The following TTN variants were observed in gnomAD, a reference collection of about 807,000 sequenced individuals.
TTN encodes connectin.
A neutral mutation model predicts 3,223.0 loss-of-function variants in TTN; 1,525 were observed. The ratio of observed to expected loss-of-function variants is 0.47; its 90% CI spans 0.45 to 0.49. The LOEUF (loss-of-function observed/expected upper bound fraction) is 0.49. TTN is among the 20% of genes least tolerant of loss of function. The pLI, the probability that TTN is intolerant of heterozygous loss-of-function variation, is 0.00. For synonymous variants in TTN, 14,094 were observed against 15,161.0 expected (o/e 0.93, Z 5.17); for missense variants, 40,786 against 43,424.0 (o/e 0.94, Z 5.40).
chr2:178,588,314 T>C, intron 304 of TTN, 95 bp from the exon 305 acceptor site: 5 of 1,248,526 alleles, frequency 4.0e-6, no homozygotes, highest in Non-Finnish European at 5.4e-6. Context: ...ATATAGGTCA[T>C]CCAATTTTTC....
In TTN at chr2:178,647,075, G is replaced by T; in HGVS notation, c.40211C>A (p.Pro13404His). 1 of 1,306,182 alleles carries T rather than the reference G, an allele frequency of 7.7e-7. No homozygotes were observed. Among genetic ancestry groups the T allele is most frequent in the Non-Finnish European group, 1.0e-6 (1 of 996,674 alleles). 80.9% of individuals were successfully genotyped at this position (1,306,182 alleles called of 1,614,324 possible). A position where few individuals can be genotyped will look rare whatever the true frequency, so the allele number is the denominator to read the frequency against. ...ASITIGRKET[P>H]PVEEREIEKY... ...ATATATATATATACCTTCAACAGGG[G>T]GAGTCTCTTTTCTACCAATGGTTAT... is the stretch of plus-strand genomic sequence containing the variant. The change falls in exon 215 of 363, where the codon CCC becomes CAC. Residue 13404 changes from proline (P) to histidine (H), a missense_variant. By Grantham distance (77) the Pro-to-His change is moderately conservative. Transcript: ENST00000589042.
chr2:178,732,195 T>C lies in TTN; in HGVS notation c.16774A>G (p.Met5592Val). 1 of 1,613,842 alleles carries C rather than the reference T, an allele frequency of 6.2e-7. No individual in the cohort carries two copies. Among genetic ancestry groups the C allele is most frequent in the Non-Finnish European group, 8.5e-7 (1 of 1,179,798 alleles). The change falls in exon 57 of 363, where the codon ATG (methionine) becomes GTG (valine). Residue 5592 changes from methionine (M) to valine (V), a missense_variant. Transcript: ENST00000589042. Reference sequence around the variant, plus strand: ...ACTGCAGTAGACTCCACAAAAGACATTCTGTGTTTGCTGCTCTCCTTAATT... The same window carrying C: ...ACTGCAGTAGACTCCACAAAAGACACTCTGTGTTTGCTGCTCTCCTTAATT... Reference protein sequence around the residue: ...REIKESSKHRMSFVESTAVLR... With the variant: ...REIKESSKHRVSFVESTAVLR...
intron 3 of TTN, among the ~76,000 whole-genome samples, chr2:178,801,497 G>A (rs1172388326): frequency 6.6e-6 from 1 of 152,130 alleles, no homozygotes; most frequent in Non-Finnish European, 1.5e-5. Flanking sequence ...AAGTTTATTG[G>A]ATAAGCATAT....
rs372799151 is a variant in TTN at position 178,576,229 on chromosome 2, G to A, written c.69903C>T (p.Phe23301=). ...CTTTAGTCTGAAGATCAGGAACAAC[G>A]AACTGAGTGATTCTGAGGGCGGTTC... ...TTGTALRITQ[F]VVPDLQTKEK... The change falls in exon 326 of 363, where the codon TTC becomes TTT. Residue 23301 remains phenylalanine, a synonymous_variant. Coordinates refer to ENST00000589042, the MANE Select transcript of TTN (RefSeq NM_001267550.2). The surrounding 1 kb of genome is among the most constrained non-coding windows in gnomAD (Gnocchi z 4.3). 25 of 1,612,736 alleles carry A rather than the reference G, an allele frequency of 1.6e-5. No homozygotes were observed. In the Admixed American group the frequency reaches 1.7e-4, roughly 11 times the overall value.
At position 178,729,010 on chromosome 2, in the gene TTN, A is replaced by G; in HGVS notation, c.19028T>C (p.Val6343Ala). The change falls in exon 65 of 363, where the codon GTG (valine) becomes GCG (alanine). Residue 6343 changes from valine (V) to alanine (A), a missense_variant. Val to Ala is a moderately conservative substitution (Grantham distance 64). Coordinates refer to ENST00000589042, the MANE Select transcript of TTN (RefSeq NM_001267550.2). ...GATTTGAAGTGTGGCCACACTGTCC[A>G]CAAATGAAATATAGACATTATCATC... ...DEDDNVYISF[V>A]DSVATLQIRS... 6.2e-7 allele frequency: 1 copy of G among 1,613,058 alleles called. No individual in the cohort carries two copies. Among genetic ancestry groups the G allele is most frequent in the Non-Finnish European group, 8.5e-7 (1 of 1,179,498 alleles).
At chr2:178,553,456 G>A in intron 334 of TTN, 46 bp downstream of exon 334, 1 of 1,573,992 alleles carries the variant, frequency 6.4e-7, no homozygotes. Context: ...GTGATTTCCT[G>A]GAAGTATGCT....
chr2:178,566,501 C>T lies in TTN; in HGVS notation c.79631G>A (p.Arg26544Lys), dbSNP rs1008452641. 5 of 1,613,326 alleles carry T rather than the reference C, an allele frequency of 3.1e-6. No individual in the cohort carries two copies. The highest frequency in any genetic ancestry group is 2.2e-5 in the South Asian group (2 of 91,090). The change falls in exon 326 of 363, where the codon AGA becomes AAA. Residue 26544 changes from arginine (R) to lysine (K), a missense_variant. By Grantham distance (26) the Arg-to-Lys change is conservative (BLOSUM62 2). Coordinates refer to ENST00000589042, the MANE Select transcript of TTN (RefSeq NM_001267550.2). ...WQIVTPQTGL[R>K]VTRFEISKLT... ...TTTTGAAATTTCAAATCGAGTGACT[C>T]TCAGGCCAGTCTGTGGAGTAACTAT...
chr2:178,658,106 G>T lies in TTN; in HGVS notation c.37763C>A (p.Pro12588His). 1 of 1,574,714 alleles carries T rather than the reference G, an allele frequency of 6.4e-7. No homozygotes were observed. Among genetic ancestry groups the T allele is most frequent in the Non-Finnish European group, 8.5e-7 (1 of 1,172,792 alleles). ...GACAATCGGAGCTTCTGGTTTTTTG[G>T]GTGGAGCCACGGGAATTTCTTTTTC... ...AAEKEIPVAP[P>H]KKPEAPIVPV... Residue 12588 changes from proline (P) to histidine (H), a missense_variant, in exon 186 of 363, where the codon CCC (proline) becomes CAC (histidine). Transcript: ENST00000589042.
At chr2:178,639,983 A>G in intron 222 of TTN, 65 bp downstream of exon 222, 1 of 1,565,272 alleles carries the variant, frequency 6.4e-7, no homozygotes, top group South Asian at 1.2e-5. Context: ...TCTTTTATTA[A>G]GTACATGTTA....
chr2:178,773,047 A>C, intron 33 of TTN, 62 bp downstream of exon 33: 1 of 1,606,490 alleles, frequency 6.2e-7, no homozygotes, highest in Middle Eastern at 1.7e-4. Flanking sequence ...GGGGAAATGA[A>C]TAATAATTTC....
rs775116486 is a variant in TTN, at chr2:178,634,887, T to C, written c.42025-38A>G. The C allele has an allele frequency of 1.7e-5, 27 of 1,587,698 alleles. No homozygotes were observed. Among genetic ancestry groups the C allele is most frequent in the Non-Finnish European group, 2.2e-5 (26 of 1,171,574 alleles). ...AGTTTTAGTAACCATTTGAAAGAGA[T>C]AAATTCCCTATAGGAGAAGTGTTTC... On this transcript the variant is annotated intron_variant, in intron 228 of 362. Transcript: ENST00000589042. The surrounding 1 kb of genome is among the most constrained non-coding windows in gnomAD (Gnocchi z 4.6).
chr2:178,787,598 GC>G (rs1416792643), intron 13 of TTN, among the ~76,000 whole-genome samples: 1 of 152,008 alleles, frequency 6.6e-6, no homozygotes. Flanking sequence ...GAAGTAGTCA[GC>G]TTAAGTCTTA....
At chr2:178,717,070 C>T (rs745622199) in intron 88 of TTN, 25 bp downstream of exon 88, 5 of 1,583,702 alleles carry the variant, frequency 3.2e-6, no homozygotes. Flanking sequence ...TAAAAGAGAT[C>T]TTGCTCCTTC....
chr2:178,550,155 G>T lies in TTN; in HGVS notation c.91683C>A (p.Phe30561Leu), dbSNP rs1410003060. 3 of 1,613,418 alleles carry T rather than the reference G, an allele frequency of 1.9e-6. No individual in the cohort carries two copies. Among genetic ancestry groups the T allele is most frequent in the Non-Finnish European group, 2.5e-6 (3 of 1,179,730 alleles). Residue 30561 changes from phenylalanine (F) to leucine (L), a missense_variant, in exon 337 of 363, where the codon TTC becomes TTA. Phe to Leu is a conservative substitution (Grantham distance 22). Transcript: ENST00000589042. ...QGRPVPRVTW[F>L]KDGVEIEKRM... is the part of the protein sequence containing the mutation. The stretch of plus-strand genomic sequence containing the variant: ...TCTTTTCGATTTCCACTCCATCTTT[G>T]AACCAAGTTACTCGAGGCACTGGTC...
chr2:178,696,396 T>C (rs1303989198), intron 113 of TTN, 127 bp from the exon 114 acceptor site: 6 of 892,702 alleles, frequency 6.7e-6, no homozygotes, highest in Admixed American at 3.4e-5. Flanking sequence ...TGTTTTTTTT[T>C]TTTGTATTGG....
At chr2:178,697,985 C>T (rs767135896) in intron 112 of TTN, among the ~76,000 whole-genome samples, 10 of 152,120 alleles carry the variant, frequency 6.6e-5, no homozygotes, top group Non-Finnish European at 1.0e-4. Flanking sequence ...GTTATGGAAA[C>T]ACCCTAAGTG....
rs769110483 is a variant in TTN at position 178,667,236 on chromosome 2, C to G, written c.35797G>C (p.Glu11933Gln). The G allele has an allele frequency of 8.2e-6, 13 of 1,593,826 alleles. No individual in the cohort carries two copies. Among genetic ancestry groups the G allele is most frequent in the Admixed American group, 1.7e-5 (1 of 57,774 alleles). ...GATTTTCCTAACTAGAGAATTATAC[C>G]TTCAGTTGGAGGATGTTCTGGAATT... is the stretch of plus-strand genomic sequence containing the variant. ...PEIPEHPPTEEFEVFKEVIPE... is the reference protein window; with the variant it reads ...PEIPEHPPTEQFEVFKEVIPE... Residue 11933 changes from glutamate to glutamine, a missense_variant and splice_region_variant, in exon 162 of 363, where the codon GAG (glutamate) becomes CAG (glutamine). Physicochemically the swap from Glu to Gln is conservative, Grantham distance 29. Coordinates refer to ENST00000589042, the MANE Select transcript of TTN (RefSeq NM_001267550.2).
In TTN at chr2:178,759,095, T is replaced by C. The variant is rs2088221144; in HGVS notation, c.10192A>G (p.Thr3398Ala). The stretch of plus-strand genomic sequence containing the variant: ...GCTTCGGCAATTTCCAGTTGATAAG[T>C]GTCTTCAAATTGAGTCATTCTAAAG... ...RFFRMTQFEDTYQLEIAEAYP... is the reference protein window; with the variant it reads ...RFFRMTQFEDAYQLEIAEAYP... Residue 3398 changes from threonine (T) to alanine (A), a missense_variant, in exon 44 of 363, where the codon ACT (threonine) becomes GCT (alanine). By Grantham distance (58) the Thr-to-Ala change is moderately conservative. Coordinates refer to ENST00000589042, the MANE Select transcript of TTN (RefSeq NM_001267550.2). The C allele has an allele frequency of 6.2e-7, 1 of 1,613,962 alleles. No individual in the cohort carries two copies. The highest frequency in any genetic ancestry group is 1.7e-5 in the Admixed American group (1 of 59,998).
chr2:178,605,952 T>A (rs1321012352), intron 278 of TTN, among the ~76,000 whole-genome samples: 1 of 151,970 alleles, frequency 6.6e-6, no homozygotes, highest in African/African-American at 2.4e-5. Context: ...CAAGGGCACG[T>A]ATGCTTTTTT....
Sources: gnomAD v4.1 joint callset for allele counts (sites outside exome capture counted in the v4.1 genomes callset) on GRCh38, gnomAD v4.1.1 for gene constraint, Gnocchi (gnomAD v3.1) non-coding constraint, MANE v1.5 for transcripts, NCBI Gene and HGNC (gene_info 2026-07-23, HGNC 2026-07-21) for gene names.